Variants in CCDC88C observed in about 807,000 individuals in gnomAD.
CCDC88C encodes coiled-coil and HOOK domain protein 88C.
In CCDC88C, 131 loss-of-function variants were observed where a neutral mutation model predicts 198.8. That is an observed-to-expected ratio of 0.66 (90% CI 0.57 to 0.76). The LOEUF (loss-of-function observed/expected upper bound fraction) is 0.76. Ranked by LOEUF, CCDC88C falls within the 30% of genes least tolerant of loss-of-function variation. The pLI is 0.00. For missense variants in CCDC88C, 2,553 were observed against 2,631.6 expected, an observed-to-expected ratio of 0.97 and a Z score of 0.65; for synonymous variants, 1,166 against 1,114.7, an observed-to-expected ratio of 1.05 and a Z score of -0.92.
At chr14:91,349,986 GGT>G (rs1893713988) in intron 4 of CCDC88C, among the ~76,000 whole-genome samples, 1 of 152,110 alleles carries the variant, frequency 6.6e-6, no homozygotes, top group Non-Finnish European at 1.5e-5. Context: ...TCTGACTTAG[GGT>G]GGAACTAGGC....
At chr14:91,402,697 T>C (rs1886276246) in intron 3 of CCDC88C, among the ~76,000 whole-genome samples, 1 of 152,234 alleles carries the variant, frequency 6.6e-6, no homozygotes, top group African/African-American at 2.4e-5. Context: ...AGAAAATTTT[T>C]ATTTCTTAAA....
At chr14:91,375,558 G>C (rs371291417) in intron 3 of CCDC88C, among the ~76,000 whole-genome samples, 1 of 152,022 alleles carries the variant, frequency 6.6e-6, no homozygotes, top group Non-Finnish European at 1.5e-5. Context: ...GCACAGACCC[G>C]CCCCGGCACC....
intron 19 of CCDC88C, among the ~76,000 whole-genome samples, chr14:91,304,832 TAGTA>T (rs1366233759): frequency 6.6e-6 from 1 of 152,212 alleles, no homozygotes; most frequent in Non-Finnish European, 1.5e-5. Context: ...AAATTCAAAA[TAGTA>T]AGTCAATATA....
chr14:91,340,904 G>A (rs1473709851), intron 6 of CCDC88C, among the ~76,000 whole-genome samples: 2 of 152,004 alleles, frequency 1.3e-5, no homozygotes, highest in African/African-American at 4.8e-5. Context: ...TGGGAGGCTG[G>A]GGCAGGAGGA....
At chr14:91,402,292 C>CA (rs1251307778) in intron 3 of CCDC88C, among the ~76,000 whole-genome samples, 3 of 152,006 alleles carry the variant, frequency 2.0e-5, no homozygotes. Flanking sequence ...ACAACAACAA[C>CA]AACAAAAAAA....
chr14:91,342,470 A>C lies in CCDC88C; in HGVS notation c.400-7T>G. On this transcript the variant is annotated splice_polypyrimidine_tract_variant and splice_region_variant and intron_variant, in intron 5 of 29. Coordinates refer to ENST00000389857, the MANE Select transcript of CCDC88C (RefSeq NM_001080414.4). ...ACTCCTCTTTCCTCTCACACTGCGG[A>C]GGGTTACATGTGTTAATGGAAGCGC... 3 of 1,565,480 alleles carry C rather than the reference A, an allele frequency of 1.9e-6. No homozygotes were observed. Among genetic ancestry groups the C allele is most frequent in the Non-Finnish European group, 2.6e-6 (3 of 1,148,576 alleles).
intron 24 of CCDC88C, among the ~76,000 whole-genome samples, chr14:91,290,259 G>T (rs181418420): frequency 6.6e-6 from 1 of 152,224 alleles, no homozygotes; most frequent in Non-Finnish European, 1.5e-5. Flanking sequence ...ATGTCACAGC[G>T]AGACTCCGTC....
rs370959722 is a variant in CCDC88C, at chr14:91,278,112, G to A, written c.4868C>T (p.Pro1623Leu). Residue 1623 changes from proline (P) to leucine (L), a missense_variant, in exon 29 of 30, where the codon CCG (proline) becomes CTG (leucine). Transcript: ENST00000389857. ...GTGGCGGCCGAGGGCGTTGCGTCCC[G>A]GTGTGCTGGCTTCCCGGGGCAAAGT... ...LATLPREAST[P>L]GRNALGRHEY... The A allele has an allele frequency of 1.3e-5, 21 of 1,613,028 alleles. No individual in the cohort carries two copies. The highest frequency in any genetic ancestry group is 1.7e-4 in the Middle Eastern group (1 of 6,024).
rs1567055921 is a variant in CCDC88C, at chr14:91,293,567, G to GCCCACCTTCCTGTCCCCTCGCCTGCCACA, written c.4112+605_4112+606insTGTGGCAGGCGAGGGGACAGGAAGGTGGG. On this transcript the variant is annotated intron_variant, in intron 23 of 29. Coordinates refer to ENST00000389857, the MANE Select transcript of CCDC88C (RefSeq NM_001080414.4). ...ACCTTCCTGTCCCCTCGCCTGCCAC[G>GCCCACCTTCCTGTCCCCTCGCCTGCCACA]GCCCACCTTCCTGTCCCCTCGCCTG... 6.2e-4 allele frequency among the ~76,000 whole-genome samples: 10 copies of GCCCACCTTCCTGTCCCCTCGCCTGCCACA among 16,124 alleles called. 3 individuals are homozygous for GCCCACCTTCCTGTCCCCTCGCCTGCCACA. The highest frequency in any genetic ancestry group is 7.0e-4 in the Non-Finnish European group (6 of 8,524). The allele number at this position is 16,124 out of a possible 152,430, so 10.6% of individuals were successfully genotyped here.
intron 13 of CCDC88C, among the ~76,000 whole-genome samples, chr14:91,316,641 TCA>T (rs770154260): frequency 5.0e-4 from 76 of 152,278 alleles, no homozygotes; most frequent in Non-Finnish European, 9.4e-4. Flanking sequence ...CAGGCTGGTC[TCA>T]CAGGTGATCC....
At chr14:91,396,659 C>G (rs367981918) in intron 3 of CCDC88C, among the ~76,000 whole-genome samples, 26 of 152,310 alleles carry the variant, frequency 1.7e-4, no homozygotes, top group African/African-American at 5.3e-4. Context: ...AGACCCCTTG[C>G]CCTCCGATCA....
At position 91,291,096 on chromosome 14, in the gene CCDC88C, G is replaced by A; in HGVS notation, c.4113-12C>T. 1 of 1,434,722 alleles carries A rather than the reference G, an allele frequency of 7.0e-7. No individual in the cohort carries two copies. Among genetic ancestry groups the A allele is most frequent in the South Asian group, 1.2e-5 (1 of 82,766 alleles). The allele number at this position is 1,434,722 out of a possible 1,614,324, so 88.9% of individuals were successfully genotyped here. A position where few individuals can be genotyped will look rare whatever the true frequency, so the allele number is the denominator to read the frequency against. On this transcript the variant is annotated splice_polypyrimidine_tract_variant and intron_variant, in intron 23 of 29. Transcript: ENST00000389857. ...CATTTAATTTGTCTCTGTGAATATA[G>A]GAGAAAGAAAACCTATCAATCCAGT... is the stretch of plus-strand genomic sequence containing the variant.
intron 14 of CCDC88C, 93 bp downstream of exon 14, chr14:91,315,557 A>C: frequency 1.0e-5 from 14 of 1,381,656 alleles, no homozygotes; most frequent in Non-Finnish European, 1.4e-5. Flanking sequence ...TAATCCATGC[A>C]TCCACAATAC....
At chr14:91,342,607 C>A in intron 5 of CCDC88C, 144 bp from the exon 6 acceptor site, 3 of 674,456 alleles carry the variant, frequency 4.4e-6, no homozygotes, top group Admixed American at 4.1e-5. Flanking sequence ...TGTCCTCCTA[C>A]CAGCCTTACA....
intron 4 of CCDC88C, among the ~76,000 whole-genome samples, chr14:91,348,164 C>G (rs564739503): frequency 6.6e-6 from 1 of 151,984 alleles, no homozygotes; most frequent in Non-Finnish European, 1.5e-5. Flanking sequence ...CACCACCATG[C>G]CCAGCCAATT....
rs1313716172 is a variant in CCDC88C, at chr14:91,371,292, G to A, written c.271-11581C>T. On this transcript the variant is annotated intron_variant, in intron 3 of 29. Coordinates refer to ENST00000389857, the MANE Select transcript of CCDC88C (RefSeq NM_001080414.4). This position sits in a 1 kb window ranked among gnomAD's most constrained non-coding sequence, Gnocchi z 4.2. ...AAAGTCAGTATTTTTGCTGATGGAT[G>A]GAAAAGTCAGTAGTTCTGCTGATGG... Among the ~76,000 whole-genome samples, 3 of 151,972 alleles carry A rather than the reference G, an allele frequency of 2.0e-5. No individual in the cohort carries two copies. Among genetic ancestry groups the A allele is most frequent in the Admixed American group, 2.0e-4 (3 of 15,272 alleles).
intron 24 of CCDC88C, among the ~76,000 whole-genome samples, chr14:91,290,607 TG>T (rs1890619514): frequency 6.6e-6 from 1 of 152,212 alleles, no homozygotes; most frequent in South Asian, 2.1e-4. Context: ...CCATGGGGGC[TG>T]GGCCAAGTGT....
intron 2 of CCDC88C, among the ~76,000 whole-genome samples, chr14:91,410,985 A>C (rs377224256): frequency 3.8e-4 from 58 of 152,250 alleles, no homozygotes; most frequent in South Asian, 2.7e-3. Flanking sequence ...CACAGCATAG[A>C]AGCCTCTGAC....
chr14:91,347,164 G>A (rs559070050), intron 4 of CCDC88C, among the ~76,000 whole-genome samples: 55 of 152,302 alleles, frequency 3.6e-4, no homozygotes, highest in Non-Finnish European at 6.6e-4. Flanking sequence ...CACCACAGGA[G>A]CTGAAACACT....
Sources: allele counts gnomAD v4.1 joint callset (sites outside exome capture counted in the v4.1 genomes callset), GRCh38; gene constraint gnomAD v4.1.1; non-coding constraint Gnocchi (gnomAD v3.1); transcripts MANE v1.5; gene names NCBI Gene and HGNC (gene_info 2026-07-23, HGNC 2026-07-21).